The following KDM3B variants were observed in gnomAD, a reference collection of about 807,000 sequenced individuals.
The protein encoded by KDM3B is lysine-specific demethylase 3B.
KDM3B carries 10 observed loss-of-function variants against 170.0 expected under a neutral mutation model. That is an observed-to-expected ratio of 0.06 (90% CI 0.04 to 0.10). The LOEUF (loss-of-function observed/expected upper bound fraction) is 0.10, where lower values mean the gene tolerates loss of function less well. KDM3B is among the 10% of genes least tolerant of loss of function. KDM3B has a pLI of 1.00. For synonymous variants in KDM3B, 831 were observed against 834.8 expected (o/e 1.00, Z 0.08); for missense variants, 1,394 against 2,195.2 (o/e 0.64, Z 7.29).
At chr5:138,357,985 C>T (rs1237148027) in intron 1 of KDM3B, among the ~76,000 whole-genome samples, 1 of 151,014 alleles carries the variant, frequency 6.6e-6, no homozygotes. Flanking sequence ...CCGTGCCTGG[C>T]ATGGAATTAT....
chr5:138,406,983 T>A (rs1417087057), intron 11 of KDM3B, among the ~76,000 whole-genome samples: 2 of 67,748 alleles, frequency 3.0e-5, no homozygotes, highest in African/African-American at 4.3e-5. Flanking sequence ...TGCCAATAAT[T>A]TTTTTTTTTT....
At chr5:138,419,664 A>ATAT (rs1202561523) in intron 14 of KDM3B, among the ~76,000 whole-genome samples, 19 of 117,344 alleles carry the variant, frequency 1.6e-4, no homozygotes, top group Non-Finnish European at 2.1e-4. Flanking sequence ...AAAAAAAAAA[A>ATAT]AAAAATATAT....
chr5:138,402,974 A>T (rs1222241318), intron 11 of KDM3B, among the ~76,000 whole-genome samples: 1 of 152,210 alleles, frequency 6.6e-6, no homozygotes, highest in Non-Finnish European at 1.5e-5. Flanking sequence ...CATGAATGAG[A>T]TGAAGTTCCT....
intron 11 of KDM3B, among the ~76,000 whole-genome samples, chr5:138,413,454 C>G (rs1019697404): frequency 6.6e-6 from 1 of 151,808 alleles, no homozygotes; most frequent in Non-Finnish European, 1.5e-5. Context: ...TTAAATATTG[C>G]TGGTAGGAAT....
At position 138,398,282 on chromosome 5, in the gene KDM3B, C is replaced by T; in HGVS notation, c.2936C>T (p.Ala979Val). The T allele has an allele frequency of 6.2e-7, 1 of 1,614,080 alleles. No individual in the cohort carries two copies. Among genetic ancestry groups the T allele is most frequent in the Non-Finnish European group, 8.5e-7 (1 of 1,179,938 alleles). ...CTGTGGATTCCCTCTTCCTCCCTAG[C>T]AGAAGGGATAGATCTAGAGACCTCA... The part of the protein sequence containing the change: ...MNLWIPSSSL[A>V]EGIDLETSKY... Residue 979 changes from alanine (A) to valine (V), a missense_variant, in exon 10 of 24, where the codon GCA becomes GTA. This residue lies in a region of KDM3B where 76 missense variants were observed against 190.2 expected (regional missense o/e 0.40). Coordinates refer to ENST00000314358, the MANE Select transcript of KDM3B (RefSeq NM_016604.4).
intron 15 of KDM3B, among the ~76,000 whole-genome samples, chr5:138,422,000 C>T (rs1305584167): frequency 6.6e-6 from 1 of 152,182 alleles, no homozygotes; most frequent in East Asian, 1.9e-4. Context: ...AGGGCCTTTG[C>T]ACTTGTTATT....
intron 1 of KDM3B, among the ~76,000 whole-genome samples, chr5:138,360,100 C>T (rs533557092): frequency 6.6e-6 from 1 of 152,060 alleles, no homozygotes; most frequent in Non-Finnish European, 1.5e-5. Context: ...TAATTATAGT[C>T]AGGTTCAGGA....
chr5:138,364,076 C>T (rs1363651870), intron 1 of KDM3B, among the ~76,000 whole-genome samples: 6 of 152,086 alleles, frequency 3.9e-5, no homozygotes, highest in African/African-American at 1.4e-4. Context: ...CGCCACCATG[C>T]CTGGCTAATT....
At chr5:138,415,618 A>ATGGC (rs1447286199) in intron 12 of KDM3B, among the ~76,000 whole-genome samples, 1 of 143,282 alleles carries the variant, frequency 7.0e-6, no homozygotes, top group East Asian at 2.0e-4. Flanking sequence ...TTTAATTTAA[A>ATGGC]TTTTTTTTTT....
chr5:138,371,000 G>C (rs1222090247), intron 1 of KDM3B, among the ~76,000 whole-genome samples: 1 of 152,018 alleles, frequency 6.6e-6, no homozygotes, highest in Non-Finnish European at 1.5e-5. Flanking sequence ...GTAGAGACAG[G>C]GTTTCACCAT....
intron 12 of KDM3B, 90 bp downstream of exon 12, chr5:138,415,329 T>C: frequency 1.5e-6 from 1 of 656,214 alleles, no homozygotes; most frequent in Non-Finnish European, 2.6e-6. Flanking sequence ...TGATTTAGCC[T>C]CATTTTTTCT....
At chr5:138,377,546 C>T (rs553862970) in intron 3 of KDM3B, among the ~76,000 whole-genome samples, 174 bp from the exon 4 acceptor site, 1 of 152,162 alleles carries the variant, frequency 6.6e-6, no homozygotes, top group Non-Finnish European at 1.5e-5. Flanking sequence ...CCTTGGCCTC[C>T]CAAAGTACTA....
At chr5:138,390,252 T>A (rs982849501) in intron 7 of KDM3B, among the ~76,000 whole-genome samples, 1 of 152,194 alleles carries the variant, frequency 6.6e-6, no homozygotes, top group Non-Finnish European at 1.5e-5. Context: ...ATTCTTCAGT[T>A]ATGCTGAAGG....
intron 4 of KDM3B, 102 bp downstream of exon 4, chr5:138,377,927 T>C (rs1762037876): frequency 1.6e-6 from 1 of 642,188 alleles, no homozygotes; most frequent in African/African-American, 1.9e-5. Flanking sequence ...TTTGTACTTA[T>C]CTCCTTTTTG....
chr5:138,417,224 T>G (rs1177103449), intron 12 of KDM3B, among the ~76,000 whole-genome samples: 2 of 152,226 alleles, frequency 1.3e-5, no homozygotes, highest in East Asian at 3.8e-4. Context: ...AGCTTAGTGC[T>G]TAAAAGTAAC....
chr5:138,371,626 G>A (rs757647), intron 1 of KDM3B, among the ~76,000 whole-genome samples: 45,041 of 151,846 alleles, frequency 0.3, 7,475 homozygotes, highest in East Asian at 0.57. Context: ...ACTACAGCAA[G>A]TGTCTGCTAA....
At position 138,393,114 on chromosome 5, in the gene KDM3B, C is replaced by G. The variant is rs1296403759; in HGVS notation, c.2630-57C>G. The G allele has an allele frequency of 3.3e-6, 5 of 1,493,054 alleles. No individual in the cohort carries two copies. The African/African-American group carries it at 5.5e-5, about 16-fold the overall frequency. The allele number at this position is 1,493,054 out of a possible 1,614,324, so 92.5% of individuals were successfully genotyped here. ...AATGTCTGTCCCCAAAAGAATCATG[C>G]TATTGGTTCCTGTTTACACCTCATG... On this transcript the variant is annotated intron_variant, in intron 8 of 23. Transcript: ENST00000314358.
chr5:138,362,040 C>G (rs1165474143), intron 1 of KDM3B, among the ~76,000 whole-genome samples: 1 of 152,144 alleles, frequency 6.6e-6, no homozygotes, highest in African/African-American at 2.4e-5. Context: ...GAACTCTAGG[C>G]CGGGCGCTGT....
intron 7 of KDM3B, among the ~76,000 whole-genome samples, chr5:138,389,770 C>CTG (rs1293165500): frequency 8.7e-6 from 1 of 115,178 alleles, no homozygotes; most frequent in African/African-American, 3.1e-5. Flanking sequence ...TCTTCTCTCT[C>CTG]TCTCTCTCTC....
Sources: allele counts gnomAD v4.1 joint callset (sites outside exome capture counted in the v4.1 genomes callset), GRCh38; gene constraint gnomAD v4.1.1; regional missense constraint gnomAD v4.1.1; transcripts MANE v1.5; gene names NCBI Gene and HGNC (gene_info 2026-07-23, HGNC 2026-07-21).